Variants in SSH1 observed in about 807,000 individuals in gnomAD.
The protein encoded by SSH1 is protein phosphatase Slingshot homolog 1.
Under a neutral mutation model 79.7 loss-of-function variants are expected in SSH1, and 43 were observed. The observed-to-expected ratio is 0.54, with a 90% CI of 0.42 to 0.70. SSH1 has a LOEUF of 0.70. Ranked by LOEUF, SSH1 falls within the 30% of genes least tolerant of loss-of-function variation. The pLI, the probability that SSH1 is intolerant of heterozygous loss-of-function variation, is 0.00. For missense variants in SSH1, 1,206 were observed against 1,358.8 expected, an observed-to-expected ratio of 0.89 and a Z score of 1.77; for synonymous variants, 599 against 538.3, an observed-to-expected ratio of 1.11 and a Z score of -1.56.
chr12:108,814,895 C>A (rs958789615), intron 5 of SSH1, among the ~76,000 whole-genome samples: 1 of 152,200 alleles, frequency 6.6e-6, no homozygotes, highest in Admixed American at 6.5e-5. Flanking sequence ...GGGCCAGTCT[C>A]CTCCAGCCAG....
intron 14 of SSH1, chr12:108,791,930 G>T: frequency 2.3e-6 from 3 of 1,308,850 alleles, no homozygotes; most frequent in Non-Finnish European, 2.9e-6. Flanking sequence ...GAAGTTGGCT[G>T]ATAAATTATA....
At chr12:108,840,491 C>T (rs1422461368) in intron 2 of SSH1, among the ~76,000 whole-genome samples, 1 of 151,894 alleles carries the variant, frequency 6.6e-6, no homozygotes, top group African/African-American at 2.4e-5. Flanking sequence ...CGAGATCGTG[C>T]CACTGCACTC....
chr12:108,829,436 C>G (rs967719513), intron 2 of SSH1, among the ~76,000 whole-genome samples: 2 of 151,936 alleles, frequency 1.3e-5, no homozygotes, highest in East Asian at 1.9e-4. Flanking sequence ...TAGAATTAAC[C>G]CCTAGAATTC....
chr12:108,823,447 G>A (rs968161981), intron 2 of SSH1, 86 bp from the exon 3 acceptor site: 1 of 1,115,192 alleles, frequency 9.0e-7, no homozygotes, highest in Non-Finnish European at 1.3e-6. Flanking sequence ...AAAAGCTTTA[G>A]CGTGGACAAA....
At chr12:108,806,491 C>T (rs79637528) in intron 8 of SSH1, 97 bp from the exon 9 acceptor site, 41,026 of 1,128,396 alleles carry the variant, frequency 0.036, 1,335 homozygotes, top group South Asian at 0.12. Context: ...AAACAGAACA[C>T]GGCTTGGCAA....
At chr12:108,805,758 C>T (rs1183235778) in intron 9 of SSH1, among the ~76,000 whole-genome samples, 1 of 151,592 alleles carries the variant, frequency 6.6e-6, no homozygotes, top group Non-Finnish European at 1.5e-5. Context: ...TAGATCCATC[C>T]AGTTGAATCT....
intron 5 of SSH1, among the ~76,000 whole-genome samples, chr12:108,816,690 C>T (rs1488023302): frequency 1.3e-5 from 2 of 152,242 alleles, no homozygotes; most frequent in Non-Finnish European, 1.5e-5. Context: ...TTGGCAGACT[C>T]TGGTTTGGCC....
intron 13 of SSH1, among the ~76,000 whole-genome samples, chr12:108,795,615 G>A (rs573631347): frequency 1.3e-5 from 2 of 152,066 alleles, no homozygotes; most frequent in South Asian, 2.1e-4. Flanking sequence ...CAGCACTTTG[G>A]AAGGCTGAGG....
chr12:108,829,370 A>G (rs2038417805), intron 2 of SSH1, among the ~76,000 whole-genome samples: 2 of 152,126 alleles, frequency 1.3e-5, no homozygotes, highest in African/African-American at 4.8e-5. Flanking sequence ...ATGGTCTGGG[A>G]ATTCATATTT....
chr12:108,797,343 C>T (rs2036796093), intron 13 of SSH1, among the ~76,000 whole-genome samples: 1 of 151,786 alleles, frequency 6.6e-6, no homozygotes, highest in African/African-American at 2.4e-5. Flanking sequence ...TTGCCAATGA[C>T]AGCAATAGGA....
chr12:108,788,526 A>AG lies in SSH1; in HGVS notation c.2611dup (p.Leu871ProfsTer10). 6.4e-7 allele frequency: 1 copy of AG among 1,564,408 alleles called. No individual in the cohort carries two copies. The highest frequency in any genetic ancestry group is 8.7e-7 in the Non-Finnish European group (1 of 1,156,006). ...ACTCCCGGCCTGGCTGGGCATAACC[A>AG]GGGGGCCCAGCTCGTGGAGCGCGGC... On this transcript the variant is annotated frameshift_variant, in exon 15 of 15. Transcript: ENST00000326495. LOFTEE classifies it low-confidence loss of function (END_TRUNC).
At position 108,782,624 on chromosome 12, in the gene SSH1, T is replaced by C. The variant is rs1479217715; in HGVS notation, c.*5364A>G. On this transcript the variant is annotated 3_prime_UTR_variant, in exon 15 of 15. Transcript: ENST00000326495. Reference sequence around the variant, plus strand: ...CTGGCCATGTCAATGACGATGATGATGACGATGTATCAGACTGTTTTGGCA... The same window carrying C: ...CTGGCCATGTCAATGACGATGATGACGACGATGTATCAGACTGTTTTGGCA... 1 of 152,134 alleles carries C rather than the reference T, an allele frequency of 6.6e-6. No homozygotes were observed. Among genetic ancestry groups the C allele is most frequent in the African/African-American group, 2.4e-5 (1 of 41,566 alleles). The allele number at this position is 152,134 out of a possible 1,614,324, so 9.4% of individuals were successfully genotyped here.
At chr12:108,817,922 G>A (rs796600404) in intron 4 of SSH1, among the ~76,000 whole-genome samples, 3 of 152,280 alleles carry the variant, frequency 2.0e-5, no homozygotes, top group African/African-American at 7.2e-5. Context: ...CTTGCTGGCT[G>A]GGCACGGTGG....
At chr12:108,820,623 A>T (rs955211204) in intron 3 of SSH1, among the ~76,000 whole-genome samples, 4 of 152,228 alleles carry the variant, frequency 2.6e-5, no homozygotes, top group Non-Finnish European at 5.9e-5. Flanking sequence ...CACACAAAAA[A>T]ATCAGAGAAT....
intron 9 of SSH1, among the ~76,000 whole-genome samples, chr12:108,806,033 C>T (rs899519413): frequency 6.6e-6 from 1 of 151,912 alleles, no homozygotes; most frequent in African/African-American, 2.4e-5. Context: ...GACTTCTCCC[C>T]AAAGGCCATA....
At position 108,801,735 on chromosome 12, in the gene SSH1, T is replaced by TAAAAAAAA. The variant is rs1565980475; in HGVS notation, c.1001+586_1001+587insTTTTTTTT. On this transcript the variant is annotated intron_variant, in intron 11 of 14. Transcript: ENST00000326495. ...ACGGTGATTTTGTGGCTGTGTTGTT[T>TAAAAAAAA]TAAAAAAAAAAAAAAAAAAAGTCCA... Among the ~76,000 whole-genome samples, 753 of 137,170 alleles carry TAAAAAAAA rather than the reference T, an allele frequency of 5.5e-3. 9 individuals carry two copies. The highest frequency in any genetic ancestry group is 0.019 in the African/African-American group (716 of 38,312). The allele number at this position is 137,170 out of a possible 152,430, so 90.0% of individuals were successfully genotyped here.
At chr12:108,814,709 C>T (rs780582250) in intron 5 of SSH1, among the ~76,000 whole-genome samples, 22 of 152,138 alleles carry the variant, frequency 1.4e-4, no homozygotes, top group Non-Finnish European at 2.9e-4. Context: ...ACAGGTGGGC[C>T]GTGGCTCCTG....
At position 108,792,400 on chromosome 12, in the gene SSH1, CTCCCTT is replaced by C; in HGVS notation, c.1773_1778del (p.Arg592_Glu593del). ...CCCACCTCCCTGCTCCCAGGCCCTC[CTCCCTT>C]TCCGTCTCCTCCACCTGCAGCAAGG... On this transcript the variant is annotated inframe_deletion, in exon 14 of 15. Transcript: ENST00000326495. 1.2e-6 allele frequency: 2 copies of C among 1,614,212 alleles called. No homozygotes were observed. Among genetic ancestry groups the C allele is most frequent in the South Asian group, 2.2e-5 (2 of 91,080 alleles).
rs188172296 is a variant in SSH1 at position 108,826,085 on chromosome 12, A to G, written c.111-2724T>C. Reference sequence around the variant, plus strand: ...ACTGCTTTTGTTCATGAGATTAAAAAAAAAAAATTCATACTGACCAGAAAC... The same window carrying G: ...ACTGCTTTTGTTCATGAGATTAAAAGAAAAAAATTCATACTGACCAGAAAC... On this transcript the variant is annotated intron_variant, in intron 2 of 14. Coordinates refer to ENST00000326495, the MANE Select transcript of SSH1 (RefSeq NM_018984.4). 81 of 445,502 alleles carry G rather than the reference A, an allele frequency of 1.8e-4. No individual in the cohort carries two copies. In the East Asian group the frequency reaches 3.6e-3, roughly 20 times the overall value. The allele number at this position is 445,502 out of a possible 1,614,324, so 27.6% of individuals were successfully genotyped here.
Sources: allele counts gnomAD v4.1 joint callset (sites outside exome capture counted in the v4.1 genomes callset), GRCh38; gene constraint gnomAD v4.1.1; transcripts MANE v1.5; gene names NCBI Gene and HGNC (gene_info 2026-07-23, HGNC 2026-07-21).